The following UTRN variants were observed in gnomAD, a reference collection of about 807,000 sequenced individuals.
The protein encoded by UTRN is utrophin.
A neutral mutation model predicts 463.9 loss-of-function variants in UTRN; 283 were observed. That is an observed-to-expected ratio of 0.61 (90% CI 0.55 to 0.67). The LOEUF is 0.67. UTRN is among the 30% of genes least tolerant of loss of function. The pLI is 0.00. For synonymous variants in UTRN, 1,442 were observed against 1,431.5 expected, an observed-to-expected ratio of 1.01 and a Z score of -0.17; for missense variants, 3,922 against 4,084.3, an observed-to-expected ratio of 0.96 and a Z score of 1.08.
At chr6:144,448,870 G>A in intron 17 of UTRN, 101 bp downstream of exon 17, 3 of 1,288,944 alleles carry the variant, frequency 2.3e-6, no homozygotes, top group Non-Finnish European at 3.2e-6. Context: ...GGCAAATCTA[G>A]ACATAATAAG....
At chr6:144,784,457 C>T (rs1032854781) in intron 61 of UTRN, among the ~76,000 whole-genome samples, 2 of 152,186 alleles carry the variant, frequency 1.3e-5, no homozygotes, top group African/African-American at 4.8e-5. Flanking sequence ...GTGCTCATCT[C>T]CTCTTCCTCT....
At chr6:144,320,974 C>G (rs1046417694) in intron 2 of UTRN, among the ~76,000 whole-genome samples, 1 of 151,576 alleles carries the variant, frequency 6.6e-6, no homozygotes, top group Non-Finnish European at 1.5e-5. Context: ...CAGACAAGCT[C>G]GCTGTGCAGC....
chr6:144,341,160 C>A (rs1168426512), intron 2 of UTRN, among the ~76,000 whole-genome samples: 3 of 152,220 alleles, frequency 2.0e-5, no homozygotes, highest in Admixed American at 2.0e-4. Flanking sequence ...ATAAATAAGA[C>A]AATGGATTAC....
At chr6:144,690,173 TG>T (rs1216172089) in intron 52 of UTRN, among the ~76,000 whole-genome samples, 4 of 114,676 alleles carry the variant, frequency 3.5e-5, no homozygotes, top group Non-Finnish European at 5.0e-5. Context: ...AGGAGGGAGG[TG>T]GGTCAGGCAA....
At chr6:144,452,238 G>A (rs1351674006) in intron 18 of UTRN, among the ~76,000 whole-genome samples, 1 of 152,108 alleles carries the variant, frequency 6.6e-6, no homozygotes, top group African/African-American at 2.4e-5. Flanking sequence ...AATATTCCTT[G>A]ATCTTTGACT....
intron 41 of UTRN, among the ~76,000 whole-genome samples, chr6:144,526,562 T>C (rs983704710): frequency 6.6e-6 from 1 of 152,144 alleles, no homozygotes; most frequent in African/African-American, 2.4e-5. Flanking sequence ...GCCTTAAGTT[T>C]ATGTGAGTTT....
At chr6:144,373,022 C>T (rs982127835) in intron 2 of UTRN, among the ~76,000 whole-genome samples, 1 of 152,206 alleles carries the variant, frequency 6.6e-6, no homozygotes, top group Non-Finnish European at 1.5e-5. Flanking sequence ...GAAAGAAATA[C>T]GTGTTGGCAA....
chr6:144,312,102 G>A (rs1806319398), intron 2 of UTRN: 1 of 152,148 alleles, frequency 6.6e-6, no homozygotes, highest in Admixed American at 6.5e-5. Flanking sequence ...ACCTCCTCGT[G>A]TTGTAAAAAG....
chr6:144,671,183 T>C (rs1338122895), intron 51 of UTRN, among the ~76,000 whole-genome samples: 1 of 151,792 alleles, frequency 6.6e-6, no homozygotes, highest in Non-Finnish European at 1.5e-5. Context: ...AGAATGATGA[T>C]AGTATTTTGA....
intron 53 of UTRN, among the ~76,000 whole-genome samples, chr6:144,701,869 C>T (rs966926342): frequency 3.6e-4 from 54 of 151,752 alleles, no homozygotes; most frequent in Non-Finnish European, 7.2e-4. Context: ...TTTCTTTCTA[C>T]TCGAAGCAGG....
chr6:144,374,031 C>T (rs1780230829), intron 2 of UTRN, among the ~76,000 whole-genome samples: 1 of 152,132 alleles, frequency 6.6e-6, no homozygotes, highest in African/African-American at 2.4e-5. Context: ...TACTTCTTGG[C>T]AGATCATATG....
intron 2 of UTRN, among the ~76,000 whole-genome samples, chr6:144,365,116 C>A (rs1444024237): frequency 6.6e-6 from 1 of 152,158 alleles, no homozygotes; most frequent in Non-Finnish European, 1.5e-5. Flanking sequence ...ATTCTGCTTG[C>A]CACATTGCGT....
chr6:144,608,006 C>T (rs956641857), intron 51 of UTRN, among the ~76,000 whole-genome samples: 3 of 152,304 alleles, frequency 2.0e-5, no homozygotes, highest in Non-Finnish European at 4.4e-5. Context: ...ATTTCATTTT[C>T]ATCTCTCCAC....
chr6:144,532,717 T>C (rs919341015), intron 42 of UTRN, among the ~76,000 whole-genome samples: 1 of 152,230 alleles, frequency 6.6e-6, no homozygotes, highest in African/African-American at 2.4e-5. Flanking sequence ...ATATAATTTT[T>C]TAAAGCAATG....
chr6:144,605,130 C>G (rs1804701751), intron 51 of UTRN, among the ~76,000 whole-genome samples: 1 of 152,138 alleles, frequency 6.6e-6, no homozygotes, highest in South Asian at 2.1e-4. Flanking sequence ...TTTGGAATGT[C>G]TTGGTCATTA....
intron 2 of UTRN, among the ~76,000 whole-genome samples, chr6:144,361,137 T>A (rs1435537622): frequency 1.3e-5 from 2 of 151,940 alleles, no homozygotes; most frequent in Non-Finnish European, 2.9e-5. Context: ...TAAGAAAGAG[T>A]CTTCAGATTG....
chr6:144,779,540 G>A (rs1196470847), intron 60 of UTRN, among the ~76,000 whole-genome samples: 1 of 152,050 alleles, frequency 6.6e-6, no homozygotes, highest in African/African-American at 2.4e-5. Flanking sequence ...CATCATAAAG[G>A]GTCTTCATCC....
chr6:144,398,423 C>T (rs1562342297), intron 2 of UTRN: 3 of 378,528 alleles, frequency 7.9e-6, no homozygotes, highest in Non-Finnish European at 1.6e-5. Context: ...AATGCACACT[C>T]AAGGGCCTCT....
At chr6:144,338,222 T>C (rs979444116) in intron 2 of UTRN, among the ~76,000 whole-genome samples, 11 of 152,150 alleles carry the variant, frequency 7.2e-5, no homozygotes, top group Admixed American at 6.5e-5. Context: ...TTTTTAGACA[T>C]GTGCTTTTAA....
Sources: gnomAD v4.1 joint callset for allele counts (sites outside exome capture counted in the v4.1 genomes callset) on GRCh38, gnomAD v4.1.1 for gene constraint, MANE v1.5 for transcripts, NCBI Gene and HGNC (gene_info 2026-07-23, HGNC 2026-07-21) for gene names.